Variants in ELAPOR1 observed in about 807,000 individuals in gnomAD.
ELAPOR1 encodes the protein endosome/lysosome-associated apoptosis and autophagy regulator 1.
Under a neutral mutation model 119.7 loss-of-function variants are expected in ELAPOR1, and 77 were observed. The ratio of observed to expected loss-of-function variants is 0.64; its 90% confidence interval spans 0.54 to 0.78. The LOEUF (loss-of-function observed/expected upper bound fraction) is 0.78, where lower values mean the gene tolerates loss of function less well. ELAPOR1 is among the 30% of genes least tolerant of loss of function. The pLI, the probability that ELAPOR1 is intolerant of heterozygous loss-of-function variation, is 0.00. For synonymous variants in ELAPOR1, 481 were observed against 487.2 expected (o/e 0.99, Z 0.17); for missense variants, 1,115 against 1,270.4 (o/e 0.88, Z 1.86).
chr1:109,187,137 A>G, intron 8 of ELAPOR1: 2 of 985,454 alleles, frequency 2.0e-6, no homozygotes, highest in Non-Finnish European at 2.4e-6. Context: ...CTATGATTAC[A>G]TTTCTGACCT....
At chr1:109,155,407 T>C (rs969504048) in intron 1 of ELAPOR1, among the ~76,000 whole-genome samples, 1 of 152,126 alleles carries the variant, frequency 6.6e-6, no homozygotes, top group African/African-American at 2.4e-5. Flanking sequence ...CTCGATCTCC[T>C]GACCTCGTGA....
chr1:109,193,779 A>C (rs774237326), intron 14 of ELAPOR1, among the ~76,000 whole-genome samples: 17 of 152,244 alleles, frequency 1.1e-4, no homozygotes, highest in Admixed American at 7.2e-4. Flanking sequence ...GCGATTCTAC[A>C]GACTCCTGGC....
chr1:109,171,769 A>T, intron 3 of ELAPOR1, 97 bp from the exon 4 acceptor site: 1 of 1,308,094 alleles, frequency 7.6e-7, no homozygotes, highest in Non-Finnish European at 1.1e-6. Context: ...CAAGCCTGAA[A>T]ATTCCCAAAG....
At chr1:109,147,766 T>TA (rs971657904) in intron 1 of ELAPOR1, among the ~76,000 whole-genome samples, 10 of 150,436 alleles carry the variant, frequency 6.6e-5, no homozygotes, top group East Asian at 1.9e-4. Flanking sequence ...AAAACTGCTC[T>TA]AAAAAAAAAG....
At chr1:109,176,604 T>C (rs1558052320) in intron 7 of ELAPOR1, among the ~76,000 whole-genome samples, 3 of 151,078 alleles carry the variant, frequency 2.0e-5, no homozygotes, top group Admixed American at 1.3e-4. Flanking sequence ...TTCTTTTTTT[T>C]TCTTTTTTTT....
intron 1 of ELAPOR1, among the ~76,000 whole-genome samples, chr1:109,116,532 G>A (rs772397973): frequency 5.3e-5 from 8 of 152,078 alleles, no homozygotes; most frequent in Non-Finnish European, 1.2e-4. Context: ...AGTGGCCATT[G>A]AACACCCTCA....
intron 7 of ELAPOR1, among the ~76,000 whole-genome samples, chr1:109,177,599 G>A (rs941150468): frequency 2.0e-5 from 3 of 151,192 alleles, no homozygotes; most frequent in African/African-American, 4.9e-5. Context: ...CTGCTGGGAG[G>A]TGGAGGTTGT....
chr1:109,185,462 T>C (rs1214305884), intron 8 of ELAPOR1, among the ~76,000 whole-genome samples: 1 of 152,158 alleles, frequency 6.6e-6, no homozygotes, highest in Non-Finnish European at 1.5e-5. Context: ...CACAATGTCC[T>C]CCCGGGGCTC....
At position 109,200,001 on chromosome 1, in the gene ELAPOR1, G is replaced by C. The variant is rs545334551; in HGVS notation, c.2628+21G>C. On this transcript the variant is annotated intron_variant, in intron 19 of 21. Transcript: ENST00000369939. ...TCCAGGTGGGTTTCCCTCTGATCGGGCACTTCCATGAGAGAAGGGAATGGG... is the reference window on the plus strand; with the variant it reads ...TCCAGGTGGGTTTCCCTCTGATCGGCCACTTCCATGAGAGAAGGGAATGGG... The C allele has an allele frequency of 2.2e-5, 36 of 1,613,882 alleles. No homozygotes were observed. In the Admixed American group the frequency reaches 4.5e-4, roughly 20 times the overall value.
chr1:109,155,291 T>C (rs1313354110), intron 1 of ELAPOR1, among the ~76,000 whole-genome samples: 2 of 147,734 alleles, frequency 1.4e-5, no homozygotes, highest in Admixed American at 1.3e-4. Flanking sequence ...TTCTCCTGCC[T>C]CAGCCTCCTG....
intron 8 of ELAPOR1, chr1:109,187,072 G>A (rs1161875748): frequency 1.0e-6 from 1 of 985,400 alleles, no homozygotes; most frequent in Non-Finnish European, 1.2e-6. Context: ...TCTGGTGATT[G>A]AGTTTGTCTT....
At chr1:109,126,917 T>G (rs889628515) in intron 1 of ELAPOR1, among the ~76,000 whole-genome samples, 13 of 152,218 alleles carry the variant, frequency 8.5e-5, no homozygotes, top group African/African-American at 2.7e-4. Context: ...CAAGAGCTTG[T>G]CTGCTTTATC....
intron 1 of ELAPOR1, among the ~76,000 whole-genome samples, chr1:109,130,264 A>G (rs1216786865): frequency 6.6e-6 from 1 of 152,186 alleles, no homozygotes; most frequent in Non-Finnish European, 1.5e-5. Context: ...AACCCAGTGC[A>G]CCGGCACGTA....
chr1:109,204,320 G>A lies in ELAPOR1; in HGVS notation c.*1308G>A, dbSNP rs1557707780. The A allele has an allele frequency of 6.6e-6, 1 of 152,216 alleles. No individual in the cohort carries two copies. 9.4% of individuals were successfully genotyped at this position (152,216 alleles called of 1,614,324 possible). A position where few individuals can be genotyped will look rare whatever the true frequency, so the allele number is the denominator to read the frequency against. Reference sequence around the variant, plus strand: ...AAAGGAATAAGTTCATCAAGAAAATGCCCAAAGCCCTGGTGGATACATCCT... The same window carrying A: ...AAAGGAATAAGTTCATCAAGAAAATACCCAAAGCCCTGGTGGATACATCCT... On this transcript the variant is annotated 3_prime_UTR_variant, in exon 22 of 22. Coordinates refer to ENST00000369939, the MANE Select transcript of ELAPOR1 (RefSeq NM_020775.5).
chr1:109,175,063 T>C (rs553275302), intron 7 of ELAPOR1, among the ~76,000 whole-genome samples: 5 of 152,286 alleles, frequency 3.3e-5, no homozygotes, highest in African/African-American at 1.2e-4. Context: ...TCTCACTGTG[T>C]TGCCCAGGCT....
At chr1:109,168,273 T>A (rs1651715083) in intron 3 of ELAPOR1, among the ~76,000 whole-genome samples, 1 of 152,190 alleles carries the variant, frequency 6.6e-6, no homozygotes, top group East Asian at 1.9e-4. Context: ...CCTGCATTTC[T>A]CCAATGGCAC....
chr1:109,175,166 ATT>A (rs1042896331), intron 7 of ELAPOR1, among the ~76,000 whole-genome samples: 1 of 151,258 alleles, frequency 6.6e-6, no homozygotes, highest in Non-Finnish European at 1.5e-5. Context: ...CAGTCCAGTC[ATT>A]TTTTTTAAGT....
At chr1:109,175,728 G>A (rs1285248923) in intron 7 of ELAPOR1, among the ~76,000 whole-genome samples, 3 of 148,522 alleles carry the variant, frequency 2.0e-5, no homozygotes, top group African/African-American at 7.4e-5. Context: ...TCAGGAGGCT[G>A]AGGCTGGAGA....
intron 1 of ELAPOR1, among the ~76,000 whole-genome samples, chr1:109,149,305 CTT>C (rs796955946): frequency 2.1e-5 from 3 of 144,802 alleles, no homozygotes; most frequent in Admixed American, 7.0e-5. Flanking sequence ...AGAGCAGTAG[CTT>C]TTTTTTTTTT....
Sources: gnomAD v4.1 joint callset for allele counts (sites outside exome capture counted in the v4.1 genomes callset) on GRCh38, gnomAD v4.1.1 for gene constraint, MANE v1.5 for transcripts, NCBI Gene and HGNC (gene_info 2026-07-23, HGNC 2026-07-21) for gene names.